RGS6: variants seen among roughly 807,000 people sequenced by gnomAD.
RGS6 encodes the protein regulator of G-protein signaling 6.
RGS6 carries 30 observed loss-of-function variants against 78.5 expected under a neutral mutation model. That is an observed-to-expected ratio of 0.38 (90% CI 0.29 to 0.52). The LOEUF is 0.52. RGS6 is among the 20% of genes least tolerant of loss of function. RGS6 has a pLI of 0.85. For synonymous variants in RGS6, 206 were observed against 206.0 expected, an observed-to-expected ratio of 1.00 and a Z score of 0.00; for missense variants, 495 against 609.7, an observed-to-expected ratio of 0.81 and a Z score of 1.98.
chr14:72,033,195 T>C (rs2091179302), intron 2 of RGS6, among the ~76,000 whole-genome samples: 1 of 152,184 alleles, frequency 6.6e-6, no homozygotes, highest in Non-Finnish European at 1.5e-5. Context: ...TTAAATACTG[T>C]ACCAATAGTA....
intron 2 of RGS6, among the ~76,000 whole-genome samples, chr14:72,107,812 A>G (rs2096210084): frequency 6.6e-6 from 1 of 152,152 alleles, no homozygotes; most frequent in Non-Finnish European, 1.5e-5. Flanking sequence ...CTAGATTAGA[A>G]TATGTCATAA....
intron 16 of RGS6, chr14:72,537,553 C>T (rs1169560178): frequency 2.8e-6 from 2 of 702,268 alleles, no homozygotes; most frequent in Non-Finnish European, 5.2e-6. Flanking sequence ...GGAGCCTGGC[C>T]TCCTGTCGAT....
chr14:71,997,188 T>TG lies in RGS6; in HGVS notation c.84+32317dup, dbSNP rs1227768997. On this transcript the variant is annotated intron_variant, in intron 2 of 17. Coordinates refer to ENST00000553525, the MANE Select transcript of RGS6 (RefSeq NM_001204424.2). ...TCAGAACCTGGCAATTAGGTGTCTG[T>TG]GGGGAAGGAAGGAGAGATGTATGAA... 5.9e-5 allele frequency among the ~76,000 whole-genome samples: 9 copies of TG among 152,104 alleles called. No individual in the cohort carries two copies. In the East Asian group the frequency reaches 1.6e-3, roughly 26 times the overall value.
At chr14:71,993,825 AAGCTTACTGGATTAGAAG>A (rs2095074930) in intron 2 of RGS6, among the ~76,000 whole-genome samples, 1 of 152,060 alleles carries the variant, frequency 6.6e-6, no homozygotes, top group South Asian at 2.1e-4. Context: ...TAGAGTTCTG[AAGCTTACTGGATTAGAAG>A]AGCACGAGGG....
chr14:71,936,059 A>G (rs1457940094), intron 1 of RGS6, among the ~76,000 whole-genome samples: 1 of 92,984 alleles, frequency 1.1e-5, no homozygotes, highest in African/African-American at 3.3e-5. Flanking sequence ...TATATCATAT[A>G]TACATATATG....
At chr14:72,510,034 A>T in intron 13 of RGS6, 120 bp from the exon 14 acceptor site, 1 of 1,169,298 alleles carries the variant, frequency 8.6e-7, no homozygotes, top group South Asian at 1.6e-5. Context: ...CTGCCCCTTA[A>T]ATATGAGATG....
chr14:72,598,856 C>T, the RGS6 span, among the ~76,000 whole-genome samples: 1 of 152,250 alleles, frequency 6.6e-6, no homozygotes, highest in Non-Finnish European at 1.5e-5. Context: ...CTTCGGTCTC[C>T]TCTTCCCTTA....
chr14:72,435,146 T>C (rs1015791971), intron 3 of RGS6, among the ~76,000 whole-genome samples: 4 of 152,240 alleles, frequency 2.6e-5, no homozygotes, highest in African/African-American at 9.6e-5. Context: ...CTAAACGTAA[T>C]TGGAATCCTT....
In RGS6 at chr14:72,269,567, A is replaced by ATTTTTTTTTT. The variant is rs56171281; in HGVS notation, c.85-82510_85-82501dup. ...GTTTTTACAGTGAAACCTATCTTAA[A>ATTTTTTTTTT]TTTTTTTTTTTTTTTTTTTTTTTTT... On this transcript the variant is annotated intron_variant, in intron 2 of 17. Transcript: ENST00000553525. Among the ~76,000 whole-genome samples, 11 of 120,334 alleles carry ATTTTTTTTTT rather than the reference A, an allele frequency of 9.1e-5. 5 individuals carry two copies. Among genetic ancestry groups the ATTTTTTTTTT allele is most frequent in the African/African-American group, 6.6e-5 (2 of 30,354 alleles). The allele number at this position is 120,334 out of a possible 152,430, so 78.9% of individuals were successfully genotyped here.
At chr14:71,880,505 G>T in the RGS6 span, among the ~76,000 whole-genome samples, 1 of 152,170 alleles carries the variant, frequency 6.6e-6, no homozygotes, top group African/African-American at 2.4e-5. Context: ...CTGTTGTGCA[G>T]TCTAGGAACT....
intron 3 of RGS6, among the ~76,000 whole-genome samples, chr14:72,446,212 G>A (rs58470149): frequency 0.071 from 10,784 of 152,178 alleles, 656 homozygotes; most frequent in South Asian, 0.15. Flanking sequence ...GAACCAACCC[G>A]TTCGACACCT....
At chr14:72,580,045 C>T in the RGS6 span, among the ~76,000 whole-genome samples, 5 of 152,208 alleles carry the variant, frequency 3.3e-5, no homozygotes, top group African/African-American at 7.2e-5. Context: ...TTGGAAGACA[C>T]CTTGATGTTC....
chr14:71,974,259 G>A (rs929444), intron 2 of RGS6, among the ~76,000 whole-genome samples: 23,996 of 152,126 alleles, frequency 0.16, 2,311 homozygotes, highest in Non-Finnish European at 0.21. Flanking sequence ...TAAAATAATT[G>A]GAGGATAGAA....
the RGS6 span, among the ~76,000 whole-genome samples, chr14:72,607,852 A>G: frequency 6.6e-6 from 1 of 152,326 alleles, no homozygotes; most frequent in East Asian, 1.9e-4. Flanking sequence ...TCAATGACCC[A>G]TGTCCGCAGC....
In RGS6 at chr14:72,366,503, G is replaced by A. The variant is rs115246953; in HGVS notation, c.184+14309G>A. The stretch of plus-strand genomic sequence containing the variant: ...GAGAATTGGAGAGAGAAGGAAATAC[G>A]GAAGAAAGAAGAACCCAACATCAGA... On this transcript the variant is annotated intron_variant, in intron 3 of 17. Coordinates refer to ENST00000553525, the MANE Select transcript of RGS6 (RefSeq NM_001204424.2). Among the ~76,000 whole-genome samples the A allele has an allele frequency of 7.8e-3, 1,187 of 152,206 alleles. 11 individuals carry two copies. Among genetic ancestry groups the A allele is most frequent in the African/African-American group, 0.025 (1,050 of 41,520 alleles).
chr14:72,107,506 T>C (rs1021270285), intron 2 of RGS6, among the ~76,000 whole-genome samples: 1 of 152,112 alleles, frequency 6.6e-6, no homozygotes, highest in African/African-American at 2.4e-5. Context: ...TTCTTTTTGA[T>C]AGGAAAAAAA....
At chr14:72,302,224 G>T (rs1256228021) in intron 2 of RGS6, among the ~76,000 whole-genome samples, 1 of 152,204 alleles carries the variant, frequency 6.6e-6, no homozygotes, top group Non-Finnish European at 1.5e-5. Flanking sequence ...ATAAGAGCCG[G>T]CACTATCACA....
In RGS6 at chr14:72,518,531, C is replaced by T. The variant is rs141432295; in HGVS notation, c.1272C>T (p.Asp424=). The T allele has an allele frequency of 9.4e-5, 151 of 1,613,916 alleles. No individual in the cohort carries two copies. Among genetic ancestry groups the T allele is most frequent in the African/African-American group, 8.8e-4 (66 of 75,046 alleles). The stretch of plus-strand genomic sequence containing the variant: ...ATGGAGGGAGATATACATTTGAAGA[C>T]GCCCAGGTTTGCTTATCTACTCAAG... ...VKDGGRYTFE[D]AQEHIYKLMK... Residue 424 remains aspartate (D), a synonymous_variant, in exon 15 of 18, where the codon GAC becomes GAT. Coordinates refer to ENST00000553525, the MANE Select transcript of RGS6 (RefSeq NM_001204424.2).
chr14:72,609,870 T>C, the RGS6 span, among the ~76,000 whole-genome samples: 3 of 152,230 alleles, frequency 2.0e-5, no homozygotes, highest in Non-Finnish European at 4.4e-5. Flanking sequence ...TCAGACTCAG[T>C]CCTGGTCTGA....
Sources: allele counts gnomAD v4.1 joint callset (sites outside exome capture counted in the v4.1 genomes callset), GRCh38; gene constraint gnomAD v4.1.1; transcripts MANE v1.5; gene names NCBI Gene and HGNC (gene_info 2026-07-23, HGNC 2026-07-21).